The following CSMD1 variants were observed in gnomAD, a reference collection of about 807,000 sequenced individuals.
CSMD1 encodes the protein CUB and sushi domain-containing protein 1.
A neutral mutation model predicts 417.5 loss-of-function variants in CSMD1; 213 were observed. The ratio of observed to expected loss-of-function variants is 0.51; its 90% CI spans 0.46 to 0.57. The LOEUF (loss-of-function observed/expected upper bound fraction) is 0.57. Among genes scored for constraint, CSMD1 ranks in the 20% least tolerant of loss-of-function variants. The pLI is 0.00. For missense variants in CSMD1, 6,923 were observed against 4,529.7 expected (o/e 1.53, Z -15.17); for synonymous variants, 2,862 against 1,736.8 (o/e 1.65, Z -16.11).
At chr8:3,555,191 G>A (rs1160384128) in intron 10 of CSMD1, among the ~76,000 whole-genome samples, 1 of 152,000 alleles carries the variant, frequency 6.6e-6, no homozygotes, top group Admixed American at 6.5e-5. Context: ...TCTGGGAGGT[G>A]TAGGGAAAGA....
intron 5 of CSMD1, among the ~76,000 whole-genome samples, chr8:3,829,870 ACT>A (rs1802273308): frequency 6.6e-6 from 1 of 152,188 alleles, no homozygotes; most frequent in Non-Finnish European, 1.5e-5. Context: ...CTTAGAAAAC[ACT>A]GTTATGTGAA....
intron 1 of CSMD1, among the ~76,000 whole-genome samples, chr8:4,971,262 A>C (rs774238400): frequency 6.6e-6 from 1 of 152,094 alleles, no homozygotes; most frequent in Non-Finnish European, 1.5e-5. Context: ...TATTTTATAT[A>C]AGCCTCTTAT....
intron 55 of CSMD1, among the ~76,000 whole-genome samples, chr8:2,978,117 G>A (rs1459740132): frequency 6.6e-6 from 1 of 152,212 alleles, no homozygotes; most frequent in African/African-American, 2.4e-5. Context: ...AGTCACCATG[G>A]ACTGTACCAG....
intron 5 of CSMD1, among the ~76,000 whole-genome samples, chr8:3,914,336 GGGTATCAGGATGTGTCCCAT>G (rs1229716314): frequency 8.6e-5 from 13 of 151,976 alleles, no homozygotes; most frequent in South Asian, 2.1e-4. Flanking sequence ...GGGGCCTAGA[GGGTATCAGGATGTGTCCCAT>G]TACGTTGGAT....
chr8:3,106,337 G>A (rs750326826), intron 46 of CSMD1, among the ~76,000 whole-genome samples, 191 bp downstream of exon 46: 2 of 152,096 alleles, frequency 1.3e-5, no homozygotes, highest in Non-Finnish European at 2.9e-5. Context: ...GGTTGAGGCT[G>A]TGGTGAGCCA....
chr8:4,335,424 C>G (rs911291441), intron 3 of CSMD1, among the ~76,000 whole-genome samples: 1 of 152,038 alleles, frequency 6.6e-6, no homozygotes, highest in African/African-American at 2.4e-5. Context: ...CTGAAACACA[C>G]CAGAAACTCG....
chr8:3,927,872 A>C lies in CSMD1; in HGVS notation c.818+70031T>G, dbSNP rs188740598. Among the ~76,000 whole-genome samples the C allele has an allele frequency of 3.4e-3, 515 of 152,292 alleles. 5 individuals carry two copies. The highest frequency in any genetic ancestry group is 4.0e-3 in the Non-Finnish European group (271 of 68,018). ...TTTTTTATAAAATAGTTTCATAAAC[A>C]TTCTTAATATGAGAGTCGAAGGTTA... On this transcript the variant is annotated intron_variant, in intron 5 of 69. Transcript: ENST00000635120.
At chr8:4,822,932 G>C (rs983013627) in intron 1 of CSMD1, among the ~76,000 whole-genome samples, 1 of 152,038 alleles carries the variant, frequency 6.6e-6, no homozygotes, top group Non-Finnish European at 1.5e-5. Flanking sequence ...ATTTTGTTTT[G>C]ATAATTTATT....
In CSMD1 at chr8:3,529,083, G is replaced by C. The variant is rs57125069; in HGVS notation, c.1345-35357C>G. Among the ~76,000 whole-genome samples, 902 of 152,222 alleles carry C rather than the reference G, an allele frequency of 5.9e-3. 12 individuals are homozygous for C. The highest frequency in any genetic ancestry group is 0.021 in the African/African-American group (877 of 41,536). ...AGCTGTAACACAGACACTTTCAACA[G>C]AATATACCGACTTCTTTGAAAAGTG... On this transcript the variant is annotated intron_variant, in intron 10 of 69. Coordinates refer to ENST00000635120, the MANE Select transcript of CSMD1 (RefSeq NM_033225.6).
At chr8:3,876,465 G>C (rs2930346) in intron 5 of CSMD1, among the ~76,000 whole-genome samples, 5,106 of 152,258 alleles carry the variant, frequency 0.034, 294 homozygotes, top group African/African-American at 0.12. Flanking sequence ...TCTTGTTGGA[G>C]AGTCCTAACA....
chr8:4,432,605 A>G (rs1797930993), intron 2 of CSMD1, among the ~76,000 whole-genome samples: 2 of 152,262 alleles, frequency 1.3e-5, no homozygotes, highest in South Asian at 4.1e-4. Flanking sequence ...TTTGCAGGTG[A>G]GGAAACGAAG....
chr8:4,463,332 G>A (rs1563202752), intron 2 of CSMD1, among the ~76,000 whole-genome samples: 1 of 152,158 alleles, frequency 6.6e-6, no homozygotes, highest in Non-Finnish European at 1.5e-5. Context: ...CCTATGGCTG[G>A]TGAGAATATA....
intron 3 of CSMD1, among the ~76,000 whole-genome samples, chr8:4,308,226 G>C (rs1798355997): frequency 6.6e-6 from 1 of 152,108 alleles, no homozygotes; most frequent in African/African-American, 2.4e-5. Flanking sequence ...GATGTGTGTG[G>C]TATGCAGTCA....
At chr8:4,060,810 G>C (rs747476313) in intron 3 of CSMD1, among the ~76,000 whole-genome samples, 1 of 152,076 alleles carries the variant, frequency 6.6e-6, no homozygotes, top group African/African-American at 2.4e-5. Context: ...GTAGGAATGG[G>C]GCAAGGACTA....
At chr8:4,120,529 A>G (rs945671745) in intron 3 of CSMD1, among the ~76,000 whole-genome samples, 2 of 152,178 alleles carry the variant, frequency 1.3e-5, no homozygotes, top group South Asian at 2.1e-4. Flanking sequence ...TATATTTGGC[A>G]TCTTCTGGCG....
Position 4,919,980 on chromosome 8 carries a change from G to A in CSMD1, c.85+74352C>T, listed in dbSNP as rs1394840108. Among the ~76,000 whole-genome samples the A allele has an allele frequency of 2.6e-5, 4 of 152,088 alleles. No homozygotes were observed. In the East Asian group the frequency reaches 7.7e-4, roughly 29 times the overall value. ...TTGATCTTGGACTTCCCAGCCTCCA[G>A]AACCATGAGAAATACATTTCTGTTC... On this transcript the variant is annotated intron_variant, in intron 1 of 69. Transcript: ENST00000635120.
chr8:4,156,287 A>C (rs1293012008), intron 3 of CSMD1, among the ~76,000 whole-genome samples: 1 of 152,122 alleles, frequency 6.6e-6, no homozygotes, highest in African/African-American at 2.4e-5. Context: ...GATGGGGTTG[A>C]AAATGCTTTC....
intron 3 of CSMD1, among the ~76,000 whole-genome samples, chr8:4,041,415 C>A (rs908792300): frequency 2.6e-5 from 4 of 152,102 alleles, no homozygotes; most frequent in African/African-American, 4.8e-5. Flanking sequence ...CTTACTACTA[C>A]GAAAAAAGCA....
intron 2 of CSMD1, among the ~76,000 whole-genome samples, chr8:4,583,631 G>C (rs956065183): frequency 9.9e-5 from 15 of 152,146 alleles, no homozygotes; most frequent in African/African-American, 2.4e-5. Flanking sequence ...GTGGGGCCTT[G>C]GAGAACCTTT....
Sources: allele counts gnomAD v4.1 joint callset (sites outside exome capture counted in the v4.1 genomes callset), GRCh38; gene constraint gnomAD v4.1.1; transcripts MANE v1.5; gene names NCBI Gene and HGNC (gene_info 2026-07-23, HGNC 2026-07-21).